QSOX2: variants seen among roughly 807,000 people sequenced by gnomAD.
QSOX2 encodes the protein sulfhydryl oxidase 2.
QSOX2 carries 46 observed loss-of-function variants against 61.7 expected under a neutral mutation model. That is an observed-to-expected ratio of 0.75 (90% CI 0.59 to 0.95). QSOX2 has a LOEUF of 0.95. Ranked by LOEUF, QSOX2 falls within the 40% of genes least tolerant of loss-of-function variation. The pLI, the probability that QSOX2 is intolerant of heterozygous loss-of-function variation, is 0.00. For synonymous variants in QSOX2, 383 were observed against 388.4 expected (o/e 0.99, Z 0.16); for missense variants, 879 against 918.9 (o/e 0.96, Z 0.56).
intron 10 of QSOX2, among the ~76,000 whole-genome samples, chr9:136,214,050 T>G (rs922907123): frequency 1.3e-5 from 2 of 152,226 alleles, no homozygotes; most frequent in African/African-American, 4.8e-5. Flanking sequence ...TTTGAGAATC[T>G]TACTGGAAAG....
intron 1 of QSOX2, among the ~76,000 whole-genome samples, chr9:136,234,442 A>T (rs1337538273): frequency 1.3e-5 from 2 of 152,118 alleles, no homozygotes; most frequent in East Asian, 3.9e-4. Context: ...GAGCCCCTGG[A>T]GGGCCGCCCA....
intron 1 of QSOX2, among the ~76,000 whole-genome samples, chr9:136,227,979 C>T (rs184909591): frequency 2.5e-3 from 379 of 152,104 alleles, no homozygotes; most frequent in Non-Finnish European, 4.3e-3. Flanking sequence ...CCTATTTGTT[C>T]GTTTAAAGTT....
intron 10 of QSOX2, among the ~76,000 whole-genome samples, chr9:136,211,698 C>T (rs1831848429): frequency 6.6e-6 from 1 of 152,228 alleles, no homozygotes. Flanking sequence ...CGGACATGCT[C>T]CCCAGATGCC....
rs575631449 is a variant in QSOX2, at chr9:136,215,423, A to C, written c.1210-119T>G. ...GGATAATGGGGGTGTGGTTTACTGA[A>C]GCTGTATCAACTGTACACATAAGAT... On this transcript the variant is annotated intron_variant, in intron 9 of 11. Transcript: ENST00000358701. 1.6e-4 allele frequency: 152 copies of C among 977,440 alleles called. No individual in the cohort carries two copies. The African/African-American group carries it at 1.6e-3, about 10-fold the overall frequency. The allele number at this position is 977,440 out of a possible 1,614,324, so 60.5% of individuals were successfully genotyped here.
At chr9:136,235,264 C>T (rs935218245) in intron 1 of QSOX2, among the ~76,000 whole-genome samples, 1 of 152,258 alleles carries the variant, frequency 6.6e-6, no homozygotes, top group African/African-American at 2.4e-5. Flanking sequence ...CGGAGGAGGG[C>T]CAGGACCAAC....
intron 1 of QSOX2, among the ~76,000 whole-genome samples, chr9:136,242,052 G>C (rs967460253): frequency 6.6e-6 from 1 of 152,240 alleles, no homozygotes; most frequent in Admixed American, 6.5e-5. Flanking sequence ...ATCACTGCCA[G>C]GCAGATCTTC....
intron 1 of QSOX2, among the ~76,000 whole-genome samples, chr9:136,227,122 C>T (rs915256926): frequency 1.2e-4 from 18 of 152,358 alleles, no homozygotes; most frequent in African/African-American, 4.3e-4. Flanking sequence ...TGAACCTGCA[C>T]ATCACGGAGC....
Position 136,211,338 on chromosome 9 carries a change from T to C in QSOX2, c.1475A>G (p.Asp492Gly). ...GGCTTGGTCTGGGGTTTTCACCGAG[T>C]CCATGGATTCTTTAGCCATTTCCTC... ...HFEEMAKESMDSVKTPDQAIL... is the reference protein window; with the variant it reads ...HFEEMAKESMGSVKTPDQAIL... The change falls in exon 11 of 12, where the codon GAC becomes GGC. Residue 492 changes from aspartate to glycine, a missense_variant. Transcript: ENST00000358701. The C allele has an allele frequency of 1.2e-6, 2 of 1,614,154 alleles. No homozygotes were observed. The highest frequency in any genetic ancestry group is 8.5e-7 in the Non-Finnish European group (1 of 1,180,030).
At chr9:136,237,212 G>A (rs554223350) in intron 1 of QSOX2, among the ~76,000 whole-genome samples, 5 of 127,714 alleles carry the variant, frequency 3.9e-5, no homozygotes, top group East Asian at 2.5e-4. Flanking sequence ...GCTCTGGGCC[G>A]GCGTCACTTG....
intron 1 of QSOX2, among the ~76,000 whole-genome samples, chr9:136,229,515 A>T (rs79329498): frequency 0.013 from 1,994 of 151,596 alleles, 52 homozygotes; most frequent in South Asian, 0.11. Flanking sequence ...CACTTTTTTT[A>T]AAAAAAAGCA....
At chr9:136,230,875 C>T (rs1400562898) in intron 1 of QSOX2, among the ~76,000 whole-genome samples, 1 of 152,204 alleles carries the variant, frequency 6.6e-6, no homozygotes, top group East Asian at 1.9e-4. Flanking sequence ...CCCACCACCC[C>T]TGGGCCTCTG....
Position 136,227,578 on chromosome 9 carries a change from G to A in QSOX2, c.329-704C>T, listed in dbSNP as rs1564294514. The stretch of plus-strand genomic sequence containing the variant: ...GGATCAATAATTATCAGCTCAAGGT[G>A]AATCCTGTTTTGCCAAAGTCTCCAC... On this transcript the variant is annotated intron_variant, in intron 1 of 11. Transcript: ENST00000358701. Among the ~76,000 whole-genome samples the A allele has an allele frequency of 2.6e-5, 4 of 152,168 alleles. No individual in the cohort carries two copies. In the South Asian group the frequency reaches 8.3e-4, roughly 32 times the overall value.
intron 9 of QSOX2, 128 bp from the exon 10 acceptor site, chr9:136,215,432 A>C (rs1831898168): frequency 1.1e-6 from 1 of 877,074 alleles, no homozygotes; most frequent in African/African-American, 1.7e-5. Flanking sequence ...AAGCTGTATC[A>C]ACTGTACACA....
chr9:136,231,504 G>A (rs769219539), intron 1 of QSOX2, among the ~76,000 whole-genome samples: 14 of 152,216 alleles, frequency 9.2e-5, no homozygotes, highest in African/African-American at 3.4e-4. Flanking sequence ...ATTTCACACC[G>A]TCTCTCCACT....
At chr9:136,234,945 C>T (rs1400955847) in intron 1 of QSOX2, among the ~76,000 whole-genome samples, 2 of 152,176 alleles carry the variant, frequency 1.3e-5, no homozygotes, top group South Asian at 2.1e-4. Flanking sequence ...TTACCGGGCT[C>T]GTTCCTATTT....
intron 1 of QSOX2, among the ~76,000 whole-genome samples, chr9:136,242,376 C>T (rs556423743): frequency 1.8e-4 from 27 of 152,330 alleles, no homozygotes; most frequent in Admixed American, 1.6e-3. Flanking sequence ...GAACGCAGGG[C>T]GTGGCGGGCG....
At chr9:136,220,828 A>G (rs1377893670) in intron 6 of QSOX2, among the ~76,000 whole-genome samples, 1 of 151,980 alleles carries the variant, frequency 6.6e-6, no homozygotes, top group East Asian at 1.9e-4. Context: ...CTCCCACCTC[A>G]GCCTCCTGAG....
rs143563821 is a variant in QSOX2 at position 136,235,003 on chromosome 9, ACCGCTGTT to A, written c.329-8137_329-8130del. On this transcript the variant is annotated intron_variant, in intron 1 of 11. Coordinates refer to ENST00000358701, the MANE Select transcript of QSOX2 (RefSeq NM_181701.4). ...TGCCACTTCATCTGAGTCTACCCTG[ACCGCTGTT>A]CAACTGGTTCCCCCGCCCATGGCCC... Among the ~76,000 whole-genome samples the A allele has an allele frequency of 8.4e-4, 128 of 152,082 alleles. 1 individual carries two copies. The highest frequency in any genetic ancestry group is 1.7e-3 in the Non-Finnish European group (118 of 67,974).
At chr9:136,220,564 C>T (rs1343348642) in intron 6 of QSOX2, among the ~76,000 whole-genome samples, 6 of 152,200 alleles carry the variant, frequency 3.9e-5, no homozygotes, top group Admixed American at 3.9e-4. Flanking sequence ...GGTGCTGCAA[C>T]TTCAGGCCAG....
Sources: gnomAD v4.1 joint callset for allele counts (sites outside exome capture counted in the v4.1 genomes callset) on GRCh38, gnomAD v4.1.1 for gene constraint, MANE v1.5 for transcripts, NCBI Gene and HGNC (gene_info 2026-07-23, HGNC 2026-07-21) for gene names.